PDE10A: variants seen among roughly 807,000 people sequenced by gnomAD.
PDE10A encodes cAMP and cAMP-inhibited cGMP 3',5'-cyclic phosphodiesterase 10A.
In PDE10A, 39 loss-of-function variants were observed where a neutral mutation model predicts 97.7. The observed-to-expected ratio is 0.40, with a 90% CI of 0.31 to 0.52. PDE10A has a LOEUF of 0.52. Among genes scored for constraint, PDE10A ranks in the 20% least tolerant of loss-of-function variants. PDE10A has a pLI of 0.56. For missense variants in PDE10A, 731 were observed against 1,047.8 expected, an observed-to-expected ratio of 0.70 and a Z score of 4.17; for synonymous variants, 371 against 376.8, an observed-to-expected ratio of 0.98 and a Z score of 0.18.
intron 1 of PDE10A, among the ~76,000 whole-genome samples, chr6:165,918,773 A>G (rs1782674592): frequency 6.6e-6 from 1 of 151,938 alleles, no homozygotes; most frequent in African/African-American, 2.4e-5. Context: ...CTGGAGCAGG[A>G]GTAGGTGAAG....
At chr6:165,505,819 A>G (rs1197278304) in intron 2 of PDE10A, among the ~76,000 whole-genome samples, 3 of 152,184 alleles carry the variant, frequency 2.0e-5, no homozygotes, top group African/African-American at 7.2e-5. Flanking sequence ...CACCATGATC[A>G]GGCTACAGAT....
intron 1 of PDE10A, among the ~76,000 whole-genome samples, chr6:165,932,655 A>G (rs185104773): frequency 1.3e-5 from 2 of 152,198 alleles, no homozygotes; most frequent in Admixed American, 6.5e-5. Context: ...TATTTTTAGT[A>G]GAGACGGTGT....
At chr6:165,402,596 C>T (rs1786756649) in intron 13 of PDE10A, among the ~76,000 whole-genome samples, 1 of 152,072 alleles carries the variant, frequency 6.6e-6, no homozygotes, top group Admixed American at 6.6e-5. Context: ...GAAGAGAATT[C>T]TAGCAGAAAA....
At chr6:165,548,276 CT>C (rs57134252) in intron 1 of PDE10A, among the ~76,000 whole-genome samples, 191 of 105,616 alleles carry the variant, frequency 1.8e-3, no homozygotes, top group South Asian at 0.015. Flanking sequence ...CTTTAAATCT[CT>C]TTTTTTTTTT....
At chr6:165,781,342 G>A (rs1778336678) in intron 1 of PDE10A, 1 of 152,152 alleles carries the variant, frequency 6.6e-6, no homozygotes, top group Admixed American at 6.5e-5. Flanking sequence ...ACACTGTACA[G>A]ACTAAGACAC....
chr6:165,636,528 G>A (rs150888120), intron 1 of PDE10A, among the ~76,000 whole-genome samples: 1 of 152,248 alleles, frequency 6.6e-6, no homozygotes, highest in African/African-American at 2.4e-5. Flanking sequence ...GGCAAAACCA[G>A]CCCTTACAGG....
chr6:165,508,794 A>G (rs1405982598), intron 2 of PDE10A, among the ~76,000 whole-genome samples: 1 of 151,912 alleles, frequency 6.6e-6, no homozygotes, highest in African/African-American at 2.4e-5. Flanking sequence ...TCATTTACAT[A>G]CCATAAAGTT....
chr6:165,514,476 C>A (rs1181227420), intron 2 of PDE10A, among the ~76,000 whole-genome samples: 1 of 152,198 alleles, frequency 6.6e-6, no homozygotes, highest in Non-Finnish European at 1.5e-5. Context: ...CTTGGTTTTA[C>A]ATTCCACTAG....
intron 13 of PDE10A, among the ~76,000 whole-genome samples, chr6:165,396,852 C>G (rs138662939): frequency 2.6e-5 from 4 of 152,300 alleles, no homozygotes; most frequent in Non-Finnish European, 1.5e-5. Flanking sequence ...CAATCTGTTA[C>G]AACAAAACCT....
At chr6:165,403,006 C>T (rs771342889) in intron 13 of PDE10A, among the ~76,000 whole-genome samples, 9 of 152,192 alleles carry the variant, frequency 5.9e-5, no homozygotes, top group Non-Finnish European at 1.0e-4. Flanking sequence ...GAACAAATCT[C>T]TTGTCCATCA....
intron 1 of PDE10A, among the ~76,000 whole-genome samples, chr6:165,912,028 T>A (rs377522809): frequency 1.3e-5 from 2 of 151,650 alleles, no homozygotes; most frequent in African/African-American, 4.9e-5. Context: ...TCTATCTCTC[T>A]TTTCACCTAT....
At chr6:165,692,605 G>A (rs1316617284) in intron 1 of PDE10A, among the ~76,000 whole-genome samples, 1 of 152,150 alleles carries the variant, frequency 6.6e-6, no homozygotes, top group Non-Finnish European at 1.5e-5. Flanking sequence ...AAAGCCTACT[G>A]GTTAAATATA....
intron 1 of PDE10A, among the ~76,000 whole-genome samples, chr6:165,581,550 C>T (rs1785618690): frequency 6.6e-6 from 1 of 152,218 alleles, no homozygotes; most frequent in Non-Finnish European, 1.5e-5. Flanking sequence ...TTCCCAGCCC[C>T]CAGAACTGTG....
intron 18 of PDE10A, among the ~76,000 whole-genome samples, chr6:165,372,303 T>C (rs969814304): frequency 1.3e-5 from 2 of 150,784 alleles, no homozygotes; most frequent in Non-Finnish European, 2.9e-5. Context: ...TGTTTGCAGA[T>C]GACATGATTG....
chr6:165,452,828 C>T (rs1777712101), intron 3 of PDE10A, among the ~76,000 whole-genome samples: 1 of 150,114 alleles, frequency 6.7e-6, no homozygotes, highest in Non-Finnish European at 1.5e-5. Flanking sequence ...GACAAAAGAA[C>T]TTGAAGGAAA....
intron 1 of PDE10A, among the ~76,000 whole-genome samples, chr6:165,639,591 C>T (rs1221794989): frequency 1.3e-5 from 2 of 151,684 alleles, no homozygotes; most frequent in Non-Finnish European, 2.9e-5. Context: ...TACAAAAAAT[C>T]AGCCAGGCAT....
chr6:165,377,609 G>A (rs552140945), intron 18 of PDE10A, among the ~76,000 whole-genome samples: 18 of 152,116 alleles, frequency 1.2e-4, no homozygotes, highest in Non-Finnish European at 2.4e-4. Context: ...TTATATTCAA[G>A]AGGCTGGATA....
chr6:165,925,019 G>A (rs552433780), intron 1 of PDE10A, among the ~76,000 whole-genome samples: 43 of 152,270 alleles, frequency 2.8e-4, no homozygotes, highest in African/African-American at 5.3e-4. Flanking sequence ...CCTCATGTCC[G>A]CCAAGGTCTT....
At chr6:165,709,814 G>A (rs996178732) in intron 1 of PDE10A, among the ~76,000 whole-genome samples, 1 of 148,994 alleles carries the variant, frequency 6.7e-6, no homozygotes, top group Non-Finnish European at 1.5e-5. Context: ...GCTGTCCTGC[G>A]GTCCCTTTCA....
Sources: allele counts gnomAD v4.1 joint callset (sites outside exome capture counted in the v4.1 genomes callset), GRCh38; gene constraint gnomAD v4.1.1; transcripts MANE v1.5; gene names NCBI Gene and HGNC (gene_info 2026-07-23, HGNC 2026-07-21).